VASN: variants seen among roughly 807,000 people sequenced by gnomAD.
The protein encoded by VASN is vasorin.
VASN carries 5 observed loss-of-function variants against 4.8 expected under a neutral mutation model. That is an observed-to-expected ratio of 1.03 (90% CI 0.54 to 2.17). The LOEUF is 2.17. Among genes scored for constraint, VASN ranks in the 30% most tolerant of loss-of-function variants. The pLI, the probability that VASN is intolerant of heterozygous loss-of-function variation, is 0.01. For synonymous variants in VASN, 499 were observed against 460.8 expected, an observed-to-expected ratio of 1.08 and a Z score of -1.06; for missense variants, 927 against 948.8, an observed-to-expected ratio of 0.98 and a Z score of 0.30.
Position 4,381,948 on chromosome 16 carries a change from A to G in VASN, c.1071A>G (p.Thr357=). 6.2e-7 allele frequency: 1 copy of G among 1,608,490 alleles called. No individual in the cohort carries two copies. The highest frequency in any genetic ancestry group is 1.1e-5 in the South Asian group (1 of 90,702). ...GCCCAGCCACCACCACCACAGCCAC[A>G]GTGCCCACCACGAGGCCCGTGGTGC... ...FGCPATTTTA[T]VPTTRPVVRE... The change falls in exon 2 of 2, where the codon ACA becomes ACG. Residue 357 remains threonine (T), a synonymous_variant. Transcript: ENST00000304735.
At chr16:4,372,268 C>T (rs1456243980) in intron 1 of VASN, among the ~76,000 whole-genome samples, 1 of 152,196 alleles carries the variant, frequency 6.6e-6, no homozygotes, top group Non-Finnish European at 1.5e-5. Context: ...ATAAACACCC[C>T]GTCCCATGCT....
Position 4,382,957 on chromosome 16 carries a change from C to T in VASN, c.*58C>T. Reference sequence around the variant, plus strand: ...TCTCAGCCAGTGAGATGGCCAGCCCCCTCCTGCTGCCACACCACGTAAGTT... The same window carrying T: ...TCTCAGCCAGTGAGATGGCCAGCCCTCTCCTGCTGCCACACCACGTAAGTT... On this transcript the variant is annotated 3_prime_UTR_variant, in exon 2 of 2. Transcript: ENST00000304735. 1 of 1,434,048 alleles carries T rather than the reference C, an allele frequency of 7.0e-7. No homozygotes were observed. The allele number at this position is 1,434,048 out of a possible 1,614,324, so 88.8% of individuals were successfully genotyped here.
At position 4,381,534 on chromosome 16, in the gene VASN, C is replaced by A. The variant is rs776748488; in HGVS notation, c.657C>A (p.His219Gln). 1.9e-6 allele frequency: 3 copies of A among 1,603,792 alleles called. No individual in the cohort carries two copies. Among genetic ancestry groups the A allele is most frequent in the South Asian group, 2.2e-5 (2 of 89,562 alleles). Residue 219 changes from histidine (H) to glutamine (Q), a missense_variant, in exon 2 of 2, where the codon CAC (histidine) becomes CAA (glutamine). Physicochemically the swap from His to Gln is conservative, Grantham distance 24. Coordinates refer to ENST00000304735, the MANE Select transcript of VASN (RefSeq NM_138440.3). ...EGLFSRLRNL[H>Q]DLDVSDNQLE... ...TCTTCAGCCGCTTGCGCAACCTCCA[C>A]GACCTGGATGTGTCCGACAACCAGC...
chr16:4,377,763 C>T (rs1053528126), intron 1 of VASN, among the ~76,000 whole-genome samples: 1 of 152,326 alleles, frequency 6.6e-6, no homozygotes, highest in Non-Finnish European at 1.5e-5. Flanking sequence ...CCAGCGCTGC[C>T]TCCTCCCTCC....
intron 1 of VASN, among the ~76,000 whole-genome samples, chr16:4,379,092 T>TG (rs1455223230): frequency 6.6e-6 from 1 of 151,942 alleles, no homozygotes; most frequent in East Asian, 1.9e-4. Context: ...CCCACGTACC[T>TG]GGGGGAGAGG....
intron 1 of VASN, among the ~76,000 whole-genome samples, chr16:4,378,468 A>G (rs1161952333): frequency 4.0e-5 from 6 of 151,828 alleles, no homozygotes; most frequent in African/African-American, 1.5e-4. Context: ...CACCCCCCAT[A>G]TGGACATGGG....
chr16:4,379,232 G>A (rs2054865661), intron 1 of VASN, among the ~76,000 whole-genome samples: 1 of 152,134 alleles, frequency 6.6e-6, no homozygotes, highest in African/African-American at 2.4e-5. Flanking sequence ...GGGCTCTTGT[G>A]TGAGCTGCAG....
rs191166147 is a variant in VASN at position 4,377,958 on chromosome 16, C to T, written c.-9-2911C>T. Among the ~76,000 whole-genome samples the T allele has an allele frequency of 7.7e-3, 1,169 of 152,290 alleles. 40 individuals are homozygous for T. The highest frequency in any genetic ancestry group is 0.072 in the Admixed American group (1,103 of 15,294). ...ATTCCACAGCTCACTACCTGTCAGC[C>T]GGAAAGCCACCCTGTGGCCAGATGG... On this transcript the variant is annotated intron_variant, in intron 1 of 1. Transcript: ENST00000304735.
chr16:4,372,634 C>T (rs1340382393), intron 1 of VASN, among the ~76,000 whole-genome samples: 4 of 152,232 alleles, frequency 2.6e-5, no homozygotes, highest in African/African-American at 9.6e-5. Context: ...GCTGCAAACC[C>T]AGTGGCCTGG....
chr16:4,376,811 C>A (rs2054748276), intron 1 of VASN, among the ~76,000 whole-genome samples: 2 of 152,140 alleles, frequency 1.3e-5, no homozygotes, highest in African/African-American at 4.8e-5. Context: ...ACCAGAGATA[C>A]CCCACCCCCG....
intron 1 of VASN, among the ~76,000 whole-genome samples, chr16:4,372,797 G>A (rs551763404): frequency 5.3e-4 from 81 of 152,306 alleles, no homozygotes; most frequent in Non-Finnish European, 1.0e-3. Context: ...GTCACTGACC[G>A]CCTCCCCTGC....
rs2054979379 is a variant in VASN, at chr16:4,381,736, T to C, written c.859T>C (p.Phe287Leu). Reference sequence around the variant, plus strand: ...CCTGCCTGGCGACCTCTCGGGCCTCTTCCCCCGCCTGCGGCTGCTGGCAGC... The same window carrying C: ...CCTGCCTGGCGACCTCTCGGGCCTCCTCCCCCGCCTGCGGCTGCTGGCAGC... ...QALPGDLSGL[F>L]PRLRLLAAAR... Residue 287 changes from phenylalanine (F) to leucine (L), a missense_variant, in exon 2 of 2, where the codon TTC (phenylalanine) becomes CTC (leucine). Physicochemically the swap from Phe to Leu is conservative, Grantham distance 22. Coordinates refer to ENST00000304735, the MANE Select transcript of VASN (RefSeq NM_138440.3). 2 of 1,605,104 alleles carry C rather than the reference T, an allele frequency of 1.2e-6. No individual in the cohort carries two copies. Among genetic ancestry groups the C allele is most frequent in the Non-Finnish European group, 1.7e-6 (2 of 1,179,406 alleles).
In VASN at chr16:4,383,057, G is replaced by T. The variant is rs1023628932; in HGVS notation, c.*158G>T. On this transcript the variant is annotated 3_prime_UTR_variant, in exon 2 of 2. Transcript: ENST00000304735. ...CTGGGCCCTGTTCCCTCTGGACCTC[G>T]GTCTCCTCATCTGTGAGATGCTGTG... The T allele has an allele frequency of 1.8e-5, 14 of 795,350 alleles. No individual in the cohort carries two copies. Among genetic ancestry groups the T allele is most frequent in the Non-Finnish European group, 2.7e-5 (14 of 523,776 alleles). 49.3% of individuals were successfully genotyped at this position (795,350 alleles called of 1,614,324 possible).
At position 4,377,973 on chromosome 16, in the gene VASN, T is replaced by C. The variant is rs150162585; in HGVS notation, c.-9-2896T>C. Among the ~76,000 whole-genome samples, 171 of 152,288 alleles carry C rather than the reference T, an allele frequency of 1.1e-3. 1 individual carries two copies. Among genetic ancestry groups the C allele is most frequent in the African/African-American group, 4.0e-3 (167 of 41,560 alleles). On this transcript the variant is annotated intron_variant, in intron 1 of 1. Transcript: ENST00000304735. ...ACCTGTCAGCCGGAAAGCCACCCTG[T>C]GGCCAGATGGACCCACAGCATCCCC...
At chr16:4,377,349 G>C (rs1212164439) in intron 1 of VASN, among the ~76,000 whole-genome samples, 7 of 151,580 alleles carry the variant, frequency 4.6e-5, no homozygotes, top group Non-Finnish European at 1.0e-4. Context: ...GGGATCACCG[G>C]GTGGGAGGGT....
chr16:4,373,543 T>C (rs978450795), intron 1 of VASN, among the ~76,000 whole-genome samples: 1 of 152,058 alleles, frequency 6.6e-6, no homozygotes, highest in Non-Finnish European at 1.5e-5. Context: ...TGCCCAGACC[T>C]GTGCTTACCC....
Position 4,382,678 on chromosome 16 carries a change from CG to C in VASN, c.1806del (p.Arg603GlyfsTer25). On this transcript the variant is annotated frameshift_variant, in exon 2 of 2. Transcript: ENST00000304735. LOFTEE classifies it high-confidence loss of function. ...GGTGGGGGCAGCCTACTGTGTGCGGCGGGGGCGGGCCATGGCAGCAGCGGCT... is the reference window on the plus strand; with the variant it reads ...GGTGGGGGCAGCCTACTGTGTGCGGCGGGGCGGGCCATGGCAGCAGCGGCT... ...AAVGAAYCVRRGRAMAAAAQD... is the reference protein window; with the variant it reads ...AAVGAAYCVRXGRAMAAAAQD... The C allele has an allele frequency of 1.3e-6, 2 of 1,546,646 alleles. No individual in the cohort carries two copies. The highest frequency in any genetic ancestry group is 8.7e-7 in the Non-Finnish European group (1 of 1,147,350).
Position 4,382,336 on chromosome 16 carries a change from A to C in VASN, c.1459A>C (p.Ser487Arg), listed in dbSNP as rs143524537. 30 of 1,611,048 alleles carry C rather than the reference A, an allele frequency of 1.9e-5. No individual in the cohort carries two copies. The African/African-American group carries it at 3.1e-4, about 16-fold the overall frequency. The change falls in exon 2 of 2, where the codon AGC becomes CGC. Residue 487 changes from serine to arginine, a missense_variant. By Grantham distance (110) the Ser-to-Arg change is moderately radical (BLOSUM62 -1). Transcript: ENST00000304735. ...RVGLQRYLQG[S>R]SVQLRSLRLT... ...GGGGCTGCAGCGCTACCTCCAGGGG[A>C]GCTCCGTGCAGCTCAGGAGCCTCCG...
At chr16:4,374,405 G>A (rs1449848714) in intron 1 of VASN, among the ~76,000 whole-genome samples, 1 of 152,162 alleles carries the variant, frequency 6.6e-6, no homozygotes, top group Non-Finnish European at 1.5e-5. Flanking sequence ...GGCAGGGGGT[G>A]GGGGCAGGCG....
Sources: allele counts gnomAD v4.1 joint callset (sites outside exome capture counted in the v4.1 genomes callset), GRCh38; gene constraint gnomAD v4.1.1; transcripts MANE v1.5; gene names NCBI Gene and HGNC (gene_info 2026-07-23, HGNC 2026-07-21).